The following CIMAP1B variants were observed in gnomAD, a reference collection of about 807,000 sequenced individuals.
CIMAP1B encodes ciliary microtubule associated protein 1B.
the CIMAP1B span, chr22:50,530,490 G>A: frequency 3.1e-6 from 5 of 1,598,394 alleles, no homozygotes; most frequent in African/African-American, 6.7e-5. Flanking sequence ...TCAGTTGTCC[G>A]CGTCGGTCAC....
At chr22:50,531,516 G>T in the CIMAP1B span, 1 of 1,391,176 alleles carries the variant, frequency 7.2e-7, no homozygotes, top group Non-Finnish European at 9.4e-7. Context: ...TCCCAGGTGG[G>T]CCTCCCTGGA....
At chr22:50,531,319 G>T in the CIMAP1B span, 1 of 1,579,948 alleles carries the variant, frequency 6.3e-7, no homozygotes. Context: ...CAAGGGTGTG[G>T]GGGGCTAGAA....
the CIMAP1B span, chr22:50,531,235 A>G: frequency 1.2e-6 from 2 of 1,612,434 alleles, no homozygotes; most frequent in Non-Finnish European, 1.7e-6. Context: ...TCGGGGAGCA[A>G]TGGTGTGCCG....
At chr22:50,532,360 A>C in the CIMAP1B span, 1 of 328,266 alleles carries the variant, frequency 3.0e-6, no homozygotes. Context: ...CTAGACCCAG[A>C]CTTGGTGAAG....
At chr22:50,531,219 C>A in the CIMAP1B span, 1 of 1,612,940 alleles carries the variant, frequency 6.2e-7, no homozygotes, top group African/African-American at 1.3e-5. Context: ...CCTGGACACC[C>A]CAGTTTCGGG....
the CIMAP1B span, chr22:50,530,435 G>T: frequency 6.6e-7 from 1 of 1,525,280 alleles, no homozygotes; most frequent in Non-Finnish European, 8.9e-7. Flanking sequence ...ATGCGGACTC[G>T]CAGACTTTAA....
At chr22:50,531,058 C>T in the CIMAP1B span, 1 of 1,609,184 alleles carries the variant, frequency 6.2e-7, no homozygotes, top group Middle Eastern at 1.7e-4. Flanking sequence ...GGCCGCGGGA[C>T]CTGGGGAGGA....
the CIMAP1B span, chr22:50,531,997 C>T: frequency 7.4e-7 from 1 of 1,359,028 alleles, no homozygotes; most frequent in East Asian, 3.0e-5. Context: ...TGTATTTGGG[C>T]CCGGGGCCTC....
the CIMAP1B span, chr22:50,530,508 G>A: frequency 6.2e-7 from 1 of 1,600,952 alleles, no homozygotes; most frequent in Non-Finnish European, 8.5e-7. Flanking sequence ...CACCAGCGGG[G>A]CCAGGTAGTC....
chr22:50,531,223 T>A, the CIMAP1B span: 1 of 1,612,942 alleles, frequency 6.2e-7, no homozygotes, highest in Non-Finnish European at 8.5e-7. Context: ...GACACCCCAG[T>A]TTCGGGGAGC....
At chr22:50,532,388 G>A in the CIMAP1B span, 4 of 295,592 alleles carry the variant, frequency 1.4e-5, no homozygotes, top group Non-Finnish European at 6.2e-6. Flanking sequence ...CCTGGGGGTG[G>A]GGTGGGGGCA....
chr22:50,531,656 A>T, the CIMAP1B span: 1 of 1,374,876 alleles, frequency 7.3e-7, no homozygotes, highest in Non-Finnish European at 9.4e-7. Flanking sequence ...GCGCACGGTC[A>T]TGCGAGCGGG....
chr22:50,530,866 G>T, the CIMAP1B span: 1 of 1,605,954 alleles, frequency 6.2e-7, no homozygotes. Flanking sequence ...CGAGAGGGCA[G>T]AGGGTGCTGG....
the CIMAP1B span, chr22:50,530,922 C>G: frequency 6.2e-7 from 1 of 1,610,054 alleles, no homozygotes; most frequent in Non-Finnish European, 8.5e-7. Context: ...GCGTCCGCCC[C>G]GGCCCCTCCC....
the CIMAP1B span, chr22:50,531,537 C>T: frequency 1.4e-6 from 2 of 1,388,840 alleles, no homozygotes; most frequent in Non-Finnish European, 1.9e-6. Context: ...GGCAGTTCGG[C>T]GTTGGGGTGG....
the CIMAP1B span, chr22:50,530,629 C>T: frequency 1.3e-6 from 2 of 1,573,868 alleles, no homozygotes; most frequent in Non-Finnish European, 1.7e-6. Flanking sequence ...CCCTGGACCC[C>T]CGGGGACTCT....
chr22:50,531,680 G>A, the CIMAP1B span: 2 of 1,371,978 alleles, frequency 1.5e-6, no homozygotes, highest in East Asian at 3.0e-5. Context: ...CAGGTGGCCT[G>A]GCCCGGGGCC....
the CIMAP1B span, chr22:50,531,484 A>C: frequency 5.1e-6 from 6 of 1,166,432 alleles, no homozygotes; most frequent in Admixed American, 3.7e-5. Flanking sequence ...TCCGAGGGGG[A>C]CTCGGGGTTC....
At chr22:50,530,871 TGCTGGCTGCC>T in the CIMAP1B span, 3 of 1,605,198 alleles carry the variant, frequency 1.9e-6, no homozygotes, top group Non-Finnish European at 2.5e-6. Context: ...GGGCAGAGGG[TGCTGGCTGCC>T]GCCTCCACTG....
Sources: allele counts gnomAD v4.1 joint callset, GRCh38; gene constraint gnomAD v4.1.1; transcripts MANE v1.5; gene names NCBI Gene and HGNC (gene_info 2026-07-23, HGNC 2026-07-21).